GAL3ST2: variants seen among roughly 807,000 people sequenced by gnomAD.
GAL3ST2 encodes the protein galactose-3-O-sulfotransferase 2, also known as beta-galactose-3-O-sulfotransferase 2.
A neutral mutation model predicts 12.9 loss-of-function variants in GAL3ST2; 16 were observed. That is an observed-to-expected ratio of 1.24 (90% CI 0.84 to 1.88). The LOEUF is 1.88. Among genes scored for constraint, GAL3ST2 ranks in the 40% most tolerant of loss-of-function variants. The probability of loss-of-function intolerance (pLI) is 0.00; values close to 1 mark genes in which losing one functional copy is unlikely to be tolerated. For missense variants in GAL3ST2, 639 were observed against 571.8 expected (o/e 1.12, Z -1.20); for synonymous variants, 302 against 273.9 (o/e 1.10, Z -1.01).
In GAL3ST2 at chr2:241,803,390, A is replaced by G; in HGVS notation, c.421A>G (p.Arg141Gly). Reference sequence around the variant, plus strand: ...CGACACCTTCTACTTCTCCATCCTGAGGAACCCCGTGTTCCAGCTGGAGTC... The same window carrying G: ...CGACACCTTCTACTTCTCCATCCTGGGGAACCCCGTGTTCCAGCTGGAGTC... The part of the protein sequence containing the change: ...PNDTFYFSIL[R>G]NPVFQLESSF... The change falls in exon 4 of 4, where the codon AGG becomes GGG. Residue 141 changes from arginine (R) to glycine (G), a missense_variant. Transcript: ENST00000192314. 1 of 1,612,354 alleles carries G rather than the reference A, an allele frequency of 6.2e-7. No individual in the cohort carries two copies.
chr2:241,792,055 C>T, intron 1 of GAL3ST2, among the ~76,000 whole-genome samples: 1 of 149,256 alleles, frequency 6.7e-6, no homozygotes. Context: ...CTCTTGTCGC[C>T]CAGGCTGGAG....
intron 1 of GAL3ST2, among the ~76,000 whole-genome samples, chr2:241,779,738 C>T (rs1699542216): frequency 6.6e-6 from 1 of 151,730 alleles, no homozygotes; most frequent in Admixed American, 6.6e-5. Flanking sequence ...GTAATCCCAG[C>T]ACTTTGGGAG....
chr2:241,785,760 T>C (rs1699619942), intron 1 of GAL3ST2, among the ~76,000 whole-genome samples: 1 of 151,748 alleles, frequency 6.6e-6, no homozygotes, highest in Non-Finnish European at 1.5e-5. Context: ...CTCAGTCAAC[T>C]GAGAAAAAAC....
chr2:241,784,599 T>C (rs190541958), intron 1 of GAL3ST2, among the ~76,000 whole-genome samples: 2 of 152,230 alleles, frequency 1.3e-5, no homozygotes, highest in Non-Finnish European at 2.9e-5. Context: ...TTGACTAGTC[T>C]TTTTTCTTTA....
chr2:241,778,920 G>A (rs1040903106), intron 1 of GAL3ST2, among the ~76,000 whole-genome samples: 4 of 152,146 alleles, frequency 2.6e-5, no homozygotes, highest in Non-Finnish European at 4.4e-5. Flanking sequence ...CCTCTCCAAA[G>A]GAGGCAGTCA....
rs149571450 is a variant in GAL3ST2, at chr2:241,789,809, G to A, written c.30-9256G>A. Among the ~76,000 whole-genome samples the A allele has an allele frequency of 4.9e-3, 742 of 152,100 alleles. 6 individuals carry two copies. The highest frequency in any genetic ancestry group is 0.017 in the African/African-American group (705 of 41,472). On this transcript the variant is annotated intron_variant, in intron 1 of 3. Coordinates refer to ENST00000192314, the MANE Select transcript of GAL3ST2 (RefSeq NM_022134.3). ...CGGGAGGCAGAGGTTTCAGTGTGCC[G>A]AGATTGTGCCACTGTACTCCAGCCT...
In GAL3ST2 at chr2:241,801,702, G is replaced by A; in HGVS notation, c.120-79G>A. 1 of 1,533,894 alleles carries A rather than the reference G, an allele frequency of 6.5e-7. No individual in the cohort carries two copies. ...GGTTGGGAGGTCTCTCCTTGCGGTTGCCGGGCTGGGGGTCGCTGTTGGGCG... is the reference window on the plus strand; with the variant it reads ...GGTTGGGAGGTCTCTCCTTGCGGTTACCGGGCTGGGGGTCGCTGTTGGGCG... On this transcript the variant is annotated intron_variant, in intron 2 of 3. Coordinates refer to ENST00000192314, the MANE Select transcript of GAL3ST2 (RefSeq NM_022134.3). This position sits in a 1 kb window ranked among gnomAD's most constrained non-coding sequence, Gnocchi z 4.4.
rs1352200527 is a variant in GAL3ST2, at chr2:241,793,805, T to C, written c.30-5260T>C. 6.7e-6 allele frequency among the ~76,000 whole-genome samples: 1 copy of C among 149,806 alleles called. No homozygotes were observed. The highest frequency in any genetic ancestry group is 1.5e-5 in the Non-Finnish European group (1 of 67,996). ...TGTGTGTGTGTGTATTGTGTGTGTA[T>C]GTTTGTGTGTGTGTTTAATCCTGGA... On this transcript the variant is annotated intron_variant, in intron 1 of 3. Transcript: ENST00000192314. The surrounding 1 kb of genome is among the most constrained non-coding windows in gnomAD (Gnocchi z 4.7).
chr2:241,781,672 T>C (rs1699568604), intron 1 of GAL3ST2, among the ~76,000 whole-genome samples: 1 of 152,226 alleles, frequency 6.6e-6, no homozygotes, highest in African/African-American at 2.4e-5. Context: ...ATAACATATT[T>C]ATACAAATAC....
chr2:241,794,998 G>A (rs138725534), intron 1 of GAL3ST2, among the ~76,000 whole-genome samples: 1 of 152,234 alleles, frequency 6.6e-6, no homozygotes, highest in African/African-American at 2.4e-5. Context: ...ACAATTCGCT[G>A]GTTTCTAGTA....
rs374990856 is a variant in GAL3ST2 at position 241,799,097 on chromosome 2, C to T, written c.62C>T (p.Ala21Val). ...YFRVILLLLL[A>V]LTLLLLAGFL... Reference sequence around the variant, plus strand: ...CGGGTCATCCTCCTCCTCCTCCTGGCCCTGACTCTGCTCCTGCTGGCCGGA... The same window carrying T: ...CGGGTCATCCTCCTCCTCCTCCTGGTCCTGACTCTGCTCCTGCTGGCCGGA... The change falls in exon 2 of 4, where the codon GCC becomes GTC. Residue 21 changes from alanine (A) to valine (V), a missense_variant. Coordinates refer to ENST00000192314, the MANE Select transcript of GAL3ST2 (RefSeq NM_022134.3). 4.3e-5 allele frequency: 69 copies of T among 1,613,750 alleles called. 1 individual carries two copies. The African/African-American group carries it at 5.3e-4, about 12-fold the overall frequency.
At chr2:241,788,640 G>T (rs1419363638) in intron 1 of GAL3ST2, among the ~76,000 whole-genome samples, 5 of 152,192 alleles carry the variant, frequency 3.3e-5, no homozygotes, top group African/African-American at 1.2e-4. Flanking sequence ...TGACCAGGGG[G>T]CCTCGTGGGA....
Position 241,802,845 on chromosome 2 carries a change from C to T in GAL3ST2, c.376-500C>T, listed in dbSNP as rs1035441714. ...ACAAGCGAGGGTGAGTCCAGACCCACCCTGTGGGGAACCTGGGTCACGGAC... is the reference window on the plus strand; with the variant it reads ...ACAAGCGAGGGTGAGTCCAGACCCATCCTGTGGGGAACCTGGGTCACGGAC... On this transcript the variant is annotated intron_variant, in intron 3 of 3. Coordinates refer to ENST00000192314, the MANE Select transcript of GAL3ST2 (RefSeq NM_022134.3). This position sits in a 1 kb window ranked among gnomAD's most constrained non-coding sequence, Gnocchi z 4.8. Among the ~76,000 whole-genome samples the T allele has an allele frequency of 6.6e-6, 1 of 152,156 alleles. No individual in the cohort carries two copies. The highest frequency in any genetic ancestry group is 2.4e-5 in the African/African-American group (1 of 41,424).
In GAL3ST2 at chr2:241,793,593, A is replaced by G. The variant is rs117894147; in HGVS notation, c.30-5472A>G. On this transcript the variant is annotated intron_variant, in intron 1 of 3. Transcript: ENST00000192314. The surrounding 1 kb of genome is among the most constrained non-coding windows in gnomAD (Gnocchi z 4.7). Reference sequence around the variant, plus strand: ...TGTGCGTATATGTGTATGTATGTATATGTGTATATGTGTGTGTATTGTGTG... The same window carrying G: ...TGTGCGTATATGTGTATGTATGTATGTGTGTATATGTGTGTGTATTGTGTG... Among the ~76,000 whole-genome samples the G allele has an allele frequency of 1.8e-4, 26 of 146,280 alleles. No individual in the cohort carries two copies. Among genetic ancestry groups the G allele is most frequent in the African/African-American group, 6.5e-4 (25 of 38,260 alleles).
In GAL3ST2 at chr2:241,802,051, C is replaced by A; in HGVS notation, c.375+15C>A. 2 of 1,600,268 alleles carry A rather than the reference C, an allele frequency of 1.2e-6. No individual in the cohort carries two copies. The highest frequency in any genetic ancestry group is 1.7e-6 in the Non-Finnish European group (2 of 1,173,688). The stretch of plus-strand genomic sequence containing the variant: ...ACCTGCCTCAGGTACCGCGGGCCTG[C>A]TGGGGAGGAGGGCGGGCTGCAGCCG... On this transcript the variant is annotated intron_variant, in intron 3 of 3. Coordinates refer to ENST00000192314, the MANE Select transcript of GAL3ST2 (RefSeq NM_022134.3). This position sits in a 1 kb window ranked among gnomAD's most constrained non-coding sequence, Gnocchi z 4.8.
At chr2:241,790,883 A>T (rs1201473342) in intron 1 of GAL3ST2, among the ~76,000 whole-genome samples, 1 of 152,144 alleles carries the variant, frequency 6.6e-6, no homozygotes, top group Non-Finnish European at 1.5e-5. Context: ...CTGCACAATA[A>T]AACTTGGTCT....
Position 241,803,530 on chromosome 2 carries a change from CTA to C in GAL3ST2, c.562_563del (p.Tyr188ArgfsTer185). ...YNDSRHLRNVYAKNNMWFDFG... is the reference protein window; with the variant it reads ...YNDSRHLRNVXAKNNMWFDFG... ...ACGACAGCCGCCACCTCAGGAACGT[CTA>C]CGCCAAGAACAACATGTGGTTCGAC... On this transcript the variant is annotated frameshift_variant, in exon 4 of 4. Coordinates refer to ENST00000192314, the MANE Select transcript of GAL3ST2 (RefSeq NM_022134.3). LOFTEE classifies it low-confidence loss of function (END_TRUNC). The C allele has an allele frequency of 6.2e-7, 1 of 1,610,464 alleles. No homozygotes were observed. Among genetic ancestry groups the C allele is most frequent in the Non-Finnish European group, 8.5e-7 (1 of 1,178,698 alleles).
chr2:241,784,353 A>G (rs1320258572), intron 1 of GAL3ST2, among the ~76,000 whole-genome samples: 2 of 152,142 alleles, frequency 1.3e-5, no homozygotes, highest in Non-Finnish European at 2.9e-5. Flanking sequence ...TTTATTAAAG[A>G]TTACACAAAT....
rs373106791 is a variant in GAL3ST2 at position 241,776,987 on chromosome 2, A to T, written c.29+3A>T. The T allele has an allele frequency of 1.2e-5, 19 of 1,537,744 alleles. No homozygotes were observed. Among genetic ancestry groups the T allele is most frequent in the Non-Finnish European group, 1.7e-5 (19 of 1,136,538 alleles). On this transcript the variant is annotated splice_donor_region_variant and intron_variant, in intron 1 of 3. Transcript: ENST00000192314. ...TCCATGCTGGGCGGCTTGCAGAGGT[A>T]AGGGGGGCAGTTGGACCCCCCAGGT...
Sources: gnomAD v4.1 joint callset for allele counts (sites outside exome capture counted in the v4.1 genomes callset) on GRCh38, gnomAD v4.1.1 for gene constraint, Gnocchi (gnomAD v3.1) non-coding constraint, MANE v1.5 for transcripts, NCBI Gene and HGNC (gene_info 2026-07-23, HGNC 2026-07-21) for gene names.